TARM1: variants seen among roughly 807,000 people sequenced by gnomAD.
The protein encoded by TARM1 is T-cell-interacting, activating receptor on myeloid cells protein 1.
A neutral mutation model predicts 30.4 loss-of-function variants in TARM1; 24 were observed. The ratio of observed to expected loss-of-function variants is 0.79; its 90% CI spans 0.57 to 1.11. The LOEUF (loss-of-function observed/expected upper bound fraction) is 1.11, where lower values mean the gene tolerates loss of function less well. Among genes scored for constraint, TARM1 ranks in the 50% least tolerant of loss-of-function variants. The pLI is 0.00. For missense variants in TARM1, 323 were observed against 332.8 expected (o/e 0.97, Z 0.23); for synonymous variants, 129 against 138.9 (o/e 0.93, Z 0.50).
In TARM1 at chr19:54,069,920, G is replaced by A; in HGVS notation, c.*83C>T. 1 of 1,083,338 alleles carries A rather than the reference G, an allele frequency of 9.2e-7. No individual in the cohort carries two copies. The highest frequency in any genetic ancestry group is 1.3e-6 in the Non-Finnish European group (1 of 750,404). 67.1% of individuals were successfully genotyped at this position (1,083,338 alleles called of 1,614,324 possible). A position where few individuals can be genotyped will look rare whatever the true frequency, so the allele number is the denominator to read the frequency against. Reference sequence around the variant, plus strand: ...TGTATGTTGTGACCTGTCTCATCCTGTGACTTAGAAAGCCTCAACCCCCTG... The same window carrying A: ...TGTATGTTGTGACCTGTCTCATCCTATGACTTAGAAAGCCTCAACCCCCTG... On this transcript the variant is annotated 3_prime_UTR_variant, in exon 5 of 5. Coordinates refer to ENST00000432826, the MANE Select transcript of TARM1 (RefSeq NM_001135686.3).
Position 54,080,140 on chromosome 19 carries a change from A to C in TARM1, c.34+1167T>G, listed in dbSNP as rs1340014027. Reference sequence around the variant, plus strand: ...GGAAGGAAGGAAGGAAGGAAGGAAGAAAGCAAGCAAGCAAGCAAGCAAGCA... The same window carrying C: ...GGAAGGAAGGAAGGAAGGAAGGAAGCAAGCAAGCAAGCAAGCAAGCAAGCA... On this transcript the variant is annotated intron_variant, in intron 1 of 4. Coordinates refer to ENST00000432826, the MANE Select transcript of TARM1 (RefSeq NM_001135686.3). Among the ~76,000 whole-genome samples the C allele has an allele frequency of 3.0e-3, 238 of 80,210 alleles. 32 individuals carry two copies. Among genetic ancestry groups the C allele is most frequent in the Non-Finnish European group, 3.9e-3 (145 of 37,106 alleles). 52.6% of individuals were successfully genotyped at this position (80,210 alleles called of 152,430 possible).
Position 54,074,767 on chromosome 19 carries a change from C to T in TARM1, c.361+57G>A, listed in dbSNP as rs191912453. On this transcript the variant is annotated intron_variant, in intron 3 of 4. Transcript: ENST00000432826. ...GACCCCTTTTCTCCCTCTGTTCCTC[C>T]ACTTCCTCCCTCATCCCCTGTCCCC... The T allele has an allele frequency of 2.6e-4, 389 of 1,512,186 alleles. 1 individual carries two copies. In the African/African-American group the frequency reaches 4.8e-3, roughly 19 times the overall value. 93.7% of individuals were successfully genotyped at this position (1,512,186 alleles called of 1,614,324 possible). A position where few individuals can be genotyped will look rare whatever the true frequency, so the allele number is the denominator to read the frequency against.
At chr19:54,077,745 T>G (rs1193899498) in intron 1 of TARM1, among the ~76,000 whole-genome samples, 1 of 150,954 alleles carries the variant, frequency 6.6e-6, no homozygotes, top group African/African-American at 2.4e-5. Context: ...CTTCGTTTTT[T>G]TTTTTTTTTT....
chr19:54,080,771 G>A (rs1244627039), intron 1 of TARM1, among the ~76,000 whole-genome samples: 10 of 152,006 alleles, frequency 6.6e-5, no homozygotes, highest in African/African-American at 1.2e-4. Context: ...TCGGGAGTTC[G>A]AGACCAGCCT....
intron 1 of TARM1, 49 bp downstream of exon 1, chr19:54,081,258 C>T (rs777982427): frequency 1.6e-5 from 24 of 1,533,236 alleles, no homozygotes; most frequent in Non-Finnish European, 2.1e-5. Flanking sequence ...ACTATCCCAC[C>T]AGTTCCATGA....
At chr19:54,075,457 A>G (rs2071926155) in intron 2 of TARM1, among the ~76,000 whole-genome samples, 1 of 147,646 alleles carries the variant, frequency 6.8e-6, no homozygotes, top group Non-Finnish European at 1.5e-5. Context: ...AAGTGCTGGG[A>G]TTACAGGCGT....
At chr19:54,072,170 C>T (rs1189025606) in intron 4 of TARM1, among the ~76,000 whole-genome samples, 1 of 152,118 alleles carries the variant, frequency 6.6e-6, no homozygotes. Flanking sequence ...GCCTGGGCAA[C>T]AGAGCAAGAC....
intron 4 of TARM1, among the ~76,000 whole-genome samples, chr19:54,073,681 C>T (rs1230515612): frequency 7.3e-5 from 11 of 151,582 alleles, no homozygotes; most frequent in Non-Finnish European, 1.5e-4. Flanking sequence ...TTAGTAGAGA[C>T]GGGGTTTCAC....
rs1047008738 is a variant in TARM1 at position 54,075,867 on chromosome 19, T to C, written c.70+16A>G. ...GGATGACAGGCCAAGGAGGGTGTAG[T>C]TGAAGAAACACTCACCATCTCCCCT... On this transcript the variant is annotated intron_variant, in intron 2 of 4. Coordinates refer to ENST00000432826, the MANE Select transcript of TARM1 (RefSeq NM_001135686.3). The C allele has an allele frequency of 3.2e-5, 50 of 1,550,814 alleles. No individual in the cohort carries two copies. The highest frequency in any genetic ancestry group is 3.8e-5 in the Non-Finnish European group (44 of 1,146,724).
At chr19:54,078,330 T>C (rs2072012879) in intron 1 of TARM1, among the ~76,000 whole-genome samples, 1 of 150,698 alleles carries the variant, frequency 6.6e-6, no homozygotes, top group Admixed American at 6.6e-5. Flanking sequence ...GGACTACAGC[T>C]GCACACCACC....
chr19:54,073,184 A>G (rs2071853064), intron 4 of TARM1, among the ~76,000 whole-genome samples: 1 of 150,824 alleles, frequency 6.6e-6, no homozygotes, highest in Non-Finnish European at 1.5e-5. Flanking sequence ...CGAGGCAGGC[A>G]GATCACCTGA....
At position 54,074,208 on chromosome 19, in the gene TARM1, A is replaced by C; in HGVS notation, c.370T>G (p.Ser124Ala). The C allele has an allele frequency of 3.9e-6, 6 of 1,550,302 alleles. No individual in the cohort carries two copies. Among genetic ancestry groups the C allele is most frequent in the Non-Finnish European group, 5.2e-6 (6 of 1,145,774 alleles). Residue 124 changes from serine (S) to alanine (A), a missense_variant, in exon 4 of 5, where the codon TCT becomes GCT. Ser to Ala is a moderately conservative substitution (Grantham distance 99). Transcript: ENST00000432826. The part of the protein sequence containing the change: ...VLLLLVTGHL[S>A]KPFLRTYQRG... ...TGGTAGGTTCGGAGGAAAGGTTTAGATAAATGTCCTGTAAGAGAAGTCAGG... is the reference window on the plus strand; with the variant it reads ...TGGTAGGTTCGGAGGAAAGGTTTAGCTAAATGTCCTGTAAGAGAAGTCAGG...
At chr19:54,075,972 C>T (rs1323708542) in intron 1 of TARM1, 54 bp from the exon 2 acceptor site, 4 of 1,543,444 alleles carry the variant, frequency 2.6e-6, no homozygotes, top group Non-Finnish European at 3.5e-6. Context: ...CACGTCACCC[C>T]CTGCCCTGAC....
intron 4 of TARM1, among the ~76,000 whole-genome samples, chr19:54,070,415 C>T (rs2071782732): frequency 6.6e-6 from 1 of 151,962 alleles, no homozygotes; most frequent in Non-Finnish European, 1.5e-5. Context: ...CATGTGCCAC[C>T]ATGCCCGGCT....
At chr19:54,079,869 TG>T (rs2072052234) in intron 1 of TARM1, among the ~76,000 whole-genome samples, 1 of 151,522 alleles carries the variant, frequency 6.6e-6, no homozygotes. Context: ...GCCGGGTGTG[TG>T]GTGGGCACCT....
In TARM1 at chr19:54,074,102, G is replaced by A. The variant is rs1259505667; in HGVS notation, c.476C>T (p.Ala159Val). ...RDQLFVPIMF[A>V]LLKAGTPSPI... ...TGATGGCGTCCCTGCCTTCAGTAGA[G>A]CGAACATGATAGGCACAAACAATTG... The change falls in exon 4 of 5, where the codon GCT becomes GTT. Residue 159 changes from alanine (A) to valine (V), a missense_variant. Ala to Val is a moderately conservative substitution (Grantham distance 64). Coordinates refer to ENST00000432826, the MANE Select transcript of TARM1 (RefSeq NM_001135686.3). 3.9e-6 allele frequency: 6 copies of A among 1,551,720 alleles called. No individual in the cohort carries two copies. The Admixed American group carries it at 1.2e-4, about 30-fold the overall frequency.
At position 54,075,913 on chromosome 19, in the gene TARM1, A is replaced by G. The variant is rs1272483493; in HGVS notation, c.40T>C (p.Cys14Arg). Residue 14 changes from cysteine to arginine, a missense_variant, in exon 2 of 5, where the codon TGC becomes CGC. Coordinates refer to ENST00000432826, the MANE Select transcript of TARM1 (RefSeq NM_001135686.3). ...KLLSLLCFRL[C>R]VGQGDTRGDG... is the part of the protein sequence containing the mutation. ...CCCCTTGTGTCTCCTTGGCCCACGC[A>G]CAGTCCTGCAAGACAATCCTCCGTG... The G allele has an allele frequency of 6.4e-7, 1 of 1,551,226 alleles. No homozygotes were observed. Among genetic ancestry groups the G allele is most frequent in the Admixed American group, 2.0e-5 (1 of 50,966 alleles).
chr19:54,073,480 GTTTTTGTTTTTGTTTTTTGT>G (rs1487868185), intron 4 of TARM1, among the ~76,000 whole-genome samples: 2 of 148,354 alleles, frequency 1.3e-5, no homozygotes, highest in Admixed American at 6.7e-5. Flanking sequence ...TTGTTTTGTT[GTTTTTGTTTTTGTTTTTTGT>G]TTTTTGTTTT....
intron 4 of TARM1, among the ~76,000 whole-genome samples, chr19:54,070,544 G>A (rs2071786323): frequency 6.6e-6 from 1 of 150,508 alleles, no homozygotes; most frequent in Admixed American, 6.6e-5. Context: ...ACAGGTGTGA[G>A]CCACCGCGCC....
Sources: gnomAD v4.1 joint callset for allele counts (sites outside exome capture counted in the v4.1 genomes callset) on GRCh38, gnomAD v4.1.1 for gene constraint, MANE v1.5 for transcripts, NCBI Gene and HGNC (gene_info 2026-07-23, HGNC 2026-07-21) for gene names.